LRP1B: variants seen among roughly 807,000 people sequenced by gnomAD.
LRP1B encodes the protein low-density lipoprotein receptor-related protein 1B.
LRP1B carries 217 observed loss-of-function variants against 556.6 expected under a neutral mutation model. That is an observed-to-expected ratio of 0.39 (90% CI 0.35 to 0.44). The LOEUF is 0.44. Ranked by LOEUF, LRP1B falls within the 20% of genes least tolerant of loss-of-function variation. The pLI is 1.00. For missense variants in LRP1B, 5,053 were observed against 5,620.8 expected (o/e 0.90, Z 3.23); for synonymous variants, 2,047 against 1,865.8 (o/e 1.10, Z -2.50).
rs2105086457 is a variant in LRP1B, at chr2:140,335,697, G to C, written c.12034C>G (p.Gln4012Glu). 1 of 1,612,374 alleles carries C rather than the reference G, an allele frequency of 6.2e-7. No individual in the cohort carries two copies. ...TSLRYSINVGQLNGPNCTRLL... is the reference protein window; with the variant it reads ...TSLRYSINVGELNGPNCTRLL... Reference sequence around the variant, plus strand: ...CTGGTGCAGTTGGGGCCATTCAGCTGCCCTACGTTGATAGAGTACCTCAGA... The same window carrying C: ...CTGGTGCAGTTGGGGCCATTCAGCTCCCCTACGTTGATAGAGTACCTCAGA... The change falls in exon 78 of 91, where the codon CAG becomes GAG. Residue 4012 changes from glutamine (Q) to glutamate (E), a missense_variant. Gln to Glu is a conservative substitution (Grantham distance 29). This residue lies in a region of LRP1B where 599 missense variants were observed against 648.4 expected (regional missense o/e 0.92). Transcript: ENST00000389484.
At chr2:140,244,672 G>A (rs1033736485) in intron 87 of LRP1B, among the ~76,000 whole-genome samples, 4 of 151,140 alleles carry the variant, frequency 2.6e-5, no homozygotes, top group East Asian at 3.9e-4. Context: ...ATCAAAAGCC[G>A]GTGAACATCA....
intron 1 of LRP1B, among the ~76,000 whole-genome samples, chr2:142,058,694 C>A (rs1704777292): frequency 6.6e-6 from 1 of 152,054 alleles, no homozygotes; most frequent in Non-Finnish European, 1.5e-5. Context: ...CTATTTCTCT[C>A]CAATGCTTGG....
chr2:141,986,854 A>G (rs576313438), intron 1 of LRP1B, among the ~76,000 whole-genome samples: 22 of 152,118 alleles, frequency 1.4e-4, no homozygotes, highest in African/African-American at 4.8e-4. Context: ...TCACAACAAT[A>G]CAAGCATCTC....
chr2:141,944,692 T>C (rs1012437923), intron 1 of LRP1B, among the ~76,000 whole-genome samples: 3 of 152,040 alleles, frequency 2.0e-5, no homozygotes, highest in Non-Finnish European at 4.4e-5. Context: ...CTACCTACAA[T>C]ATGAACAGAT....
chr2:140,388,353 C>A (rs1558847759), intron 66 of LRP1B, among the ~76,000 whole-genome samples: 1 of 152,118 alleles, frequency 6.6e-6, no homozygotes, highest in Non-Finnish European at 1.5e-5. Context: ...TGACTCTCAG[C>A]ACAACAATTC....
At chr2:142,051,439 T>A (rs1704451271) in intron 1 of LRP1B, among the ~76,000 whole-genome samples, 2 of 150,728 alleles carry the variant, frequency 1.3e-5, no homozygotes, top group Non-Finnish European at 3.0e-5. Flanking sequence ...AAAAAGTAAC[T>A]AATAGGGGCA....
chr2:140,581,486 AT>A (rs576804145), intron 43 of LRP1B, among the ~76,000 whole-genome samples: 291 of 149,200 alleles, frequency 2.0e-3, no homozygotes, highest in African/African-American at 6.5e-3. Context: ...AGGCTTTGTT[AT>A]TTTTTTTTTG....
At chr2:140,760,385 C>A (rs924272278) in intron 35 of LRP1B, among the ~76,000 whole-genome samples, 2 of 152,262 alleles carry the variant, frequency 1.3e-5, no homozygotes, top group East Asian at 1.9e-4. Context: ...TGACAACTAA[C>A]AATGTTTCCA....
chr2:140,437,908 A>T lies in LRP1B; in HGVS notation c.10414+4596T>A, dbSNP rs150381573. Among the ~76,000 whole-genome samples the T allele has an allele frequency of 4.0e-4, 61 of 152,250 alleles. No individual in the cohort carries two copies. The East Asian group carries it at 0.012, about 29-fold the overall frequency. On this transcript the variant is annotated intron_variant, in intron 66 of 90. Transcript: ENST00000389484. The stretch of plus-strand genomic sequence containing the variant: ...CTTATACCAAATTTTAAAAACCATT[A>T]AAAATAGAATATATTTGTTATATAA...
chr2:141,697,981 G>A (rs1691790565), intron 2 of LRP1B, among the ~76,000 whole-genome samples: 1 of 151,940 alleles, frequency 6.6e-6, no homozygotes, highest in African/African-American at 2.4e-5. Context: ...CTGTTTCTGA[G>A]CTGTACAGTA....
intron 3 of LRP1B, among the ~76,000 whole-genome samples, chr2:141,403,630 A>C (rs770217088): frequency 2.6e-4 from 39 of 152,314 alleles, no homozygotes; most frequent in Non-Finnish European, 4.7e-4. Context: ...GGTAACAGTT[A>C]TATTTTGACC....
chr2:140,766,861 T>TATATA (rs1689138311), intron 35 of LRP1B, among the ~76,000 whole-genome samples: 1 of 57,144 alleles, frequency 1.7e-5, no homozygotes, highest in African/African-American at 3.9e-5. Flanking sequence ...TATATATATA[T>TATATA]ATATAATATA....
At chr2:140,667,713 TTC>T (rs1239988404) in intron 41 of LRP1B, among the ~76,000 whole-genome samples, 4 of 152,226 alleles carry the variant, frequency 2.6e-5, no homozygotes, top group Non-Finnish European at 5.9e-5. Flanking sequence ...CTCTAATCTT[TTC>T]TCTTTGTCTG....
chr2:141,736,770 T>C (rs981537183), intron 2 of LRP1B, among the ~76,000 whole-genome samples: 1 of 152,142 alleles, frequency 6.6e-6, no homozygotes, highest in Non-Finnish European at 1.5e-5. Context: ...TTTCTCAGGT[T>C]GGTAGCAGTT....
rs1233197117 is a variant in LRP1B at position 141,339,310 on chromosome 2, A to AAAAT, written c.344-84670_344-84669insATTT. On this transcript the variant is annotated intron_variant, in intron 3 of 90. Coordinates refer to ENST00000389484, the MANE Select transcript of LRP1B (RefSeq NM_018557.3). ...CTGCTTGGGGTAACGCAAAAAAAAA[A>AAAAT]AAAAGCATTCAAAACTACTGAATTT... Among the ~76,000 whole-genome samples the AAAAT allele has an allele frequency of 4.7e-3, 570 of 121,258 alleles. 6 individuals are homozygous for AAAAT. The highest frequency in any genetic ancestry group is 0.017 in the African/African-American group (541 of 31,538). The allele number at this position is 121,258 out of a possible 152,430, so 79.5% of individuals were successfully genotyped here. A position where few individuals can be genotyped will look rare whatever the true frequency, so the allele number is the denominator to read the frequency against.
At chr2:141,228,582 AGTGT>A (rs3063860) in intron 6 of LRP1B, among the ~76,000 whole-genome samples, 4,572 of 146,356 alleles carry the variant, frequency 0.031, 272 homozygotes, top group African/African-American at 0.11. Flanking sequence ...TGTGTGTATG[AGTGT>A]GTGTGTGTGT....
intron 7 of LRP1B, among the ~76,000 whole-genome samples, chr2:141,096,831 AC>A (rs1239950473): frequency 3.9e-5 from 6 of 152,134 alleles, no homozygotes; most frequent in Non-Finnish European, 8.8e-5. Context: ...ATGAAATAAG[AC>A]CTGTAAAAAG....
intron 2 of LRP1B, among the ~76,000 whole-genome samples, chr2:141,559,916 A>G (rs978825097): frequency 1.3e-5 from 2 of 151,708 alleles, no homozygotes; most frequent in Admixed American, 6.6e-5. Flanking sequence ...AAATCGTTTC[A>G]TCCAAGTTCC....
At chr2:140,497,524 A>C (rs922409096) in intron 55 of LRP1B, among the ~76,000 whole-genome samples, 1 of 151,936 alleles carries the variant, frequency 6.6e-6, no homozygotes, top group Non-Finnish European at 1.5e-5. Flanking sequence ...TATTTAAAAA[A>C]AAAGAAAATG....
Sources: gnomAD v4.1 joint callset for allele counts (sites outside exome capture counted in the v4.1 genomes callset) on GRCh38, gnomAD v4.1.1 for gene constraint, gnomAD v4.1.1 regional missense constraint, MANE v1.5 for transcripts, NCBI Gene and HGNC (gene_info 2026-07-23, HGNC 2026-07-21) for gene names.